Variants in GALNT9 observed in about 807,000 individuals in gnomAD.
GALNT9 encodes the protein GalNAc transferase 9.
Under a neutral mutation model 63.1 loss-of-function variants are expected in GALNT9, and 47 were observed. That is an observed-to-expected ratio of 0.75 (90% CI 0.59 to 0.95). GALNT9 has a LOEUF of 0.95. Among genes scored for constraint, GALNT9 ranks in the 40% least tolerant of loss-of-function variants. GALNT9 has a pLI of 0.00. For missense variants in GALNT9, 829 were observed against 874.8 expected (o/e 0.95, Z 0.66); for synonymous variants, 396 against 365.7 (o/e 1.08, Z -0.94).
intron 1 of GALNT9, among the ~76,000 whole-genome samples, chr12:132,309,487 C>T (rs28671462): frequency 0.22 from 33,109 of 152,188 alleles, 3,762 homozygotes; most frequent in African/African-American, 0.26. Context: ...GTAAGGATTT[C>T]AAGATGAGGT....
chr12:132,287,059 G>GCCCCCC (rs57471643), intron 1 of GALNT9, among the ~76,000 whole-genome samples: 3 of 80,518 alleles, frequency 3.7e-5, no homozygotes, highest in African/African-American at 8.1e-5. Flanking sequence ...CTGAGTGAGC[G>GCCCCCC]CCCCCCCCCC....
chr12:132,302,820 G>A (rs971463701), intron 1 of GALNT9, among the ~76,000 whole-genome samples: 1 of 152,238 alleles, frequency 6.6e-6, no homozygotes, highest in Non-Finnish European at 1.5e-5. Context: ...GGGACGGGAC[G>A]GGGTGGGAGC....
In GALNT9 at chr12:132,329,576, C is replaced by G. The variant is rs1869209991; in HGVS notation, c.-373G>C. ...CCTGCCCGCCCCGCAGCCACCGCGC[C>G]GGTGCAGAGTGACGCGGCCTCACCT... On this transcript the variant is annotated 5_prime_UTR_variant, in exon 1 of 11. Coordinates refer to ENST00000328957, the MANE Select transcript of GALNT9 (RefSeq NM_001122636.2). Among the ~76,000 whole-genome samples the G allele has an allele frequency of 6.8e-6, 1 of 147,326 alleles. No homozygotes were observed. Among genetic ancestry groups the G allele is most frequent in the Non-Finnish European group, 1.5e-5 (1 of 66,078 alleles).
At position 132,207,224 on chromosome 12, in the gene GALNT9, C is replaced by T. The variant is rs1029634913; in HGVS notation, c.1078-3534G>A. 5.3e-5 allele frequency among the ~76,000 whole-genome samples: 8 copies of T among 152,200 alleles called. No homozygotes were observed. The East Asian group carries it at 9.6e-4, about 18-fold the overall frequency. ...TATGGCGCCGCCTGCTATCCGTCCC[C>T]GTCTCTGCCTGTCCCTCCCCATGGC... is the stretch of plus-strand genomic sequence containing the variant. On this transcript the variant is annotated intron_variant, in intron 6 of 10. Transcript: ENST00000328957.
At chr12:132,326,651 G>A (rs782488359) in intron 1 of GALNT9, among the ~76,000 whole-genome samples, 1 of 152,318 alleles carries the variant, frequency 6.6e-6, no homozygotes, top group South Asian at 2.1e-4. Flanking sequence ...ATCAAGGCAG[G>A]GAAAAGGGAT....
At chr12:132,210,887 G>A (rs1876930436) in intron 6 of GALNT9, among the ~76,000 whole-genome samples, 1 of 151,578 alleles carries the variant, frequency 6.6e-6, no homozygotes, top group South Asian at 2.1e-4. Flanking sequence ...CCGTCTGGGT[G>A]GTCGCTGTCT....
chr12:132,267,999 A>T lies in GALNT9; in HGVS notation c.420-5374T>A, dbSNP rs565948779. Among the ~76,000 whole-genome samples, 592 of 151,426 alleles carry T rather than the reference A, an allele frequency of 3.9e-3. 5 individuals are homozygous for T. Among genetic ancestry groups the T allele is most frequent in the African/African-American group, 0.014 (562 of 41,164 alleles). On this transcript the variant is annotated intron_variant, in intron 2 of 10. Transcript: ENST00000328957. Reference sequence around the variant, plus strand: ...CCCACATGAACTCACACACATGCACACACACAGGCAGATACACACGAACAC... The same window carrying T: ...CCCACATGAACTCACACACATGCACTCACACAGGCAGATACACACGAACAC...
At chr12:132,201,064 G>A (rs753566666) in intron 8 of GALNT9, 60 bp downstream of exon 8, 3 of 1,512,792 alleles carry the variant, frequency 2.0e-6, no homozygotes, top group African/African-American at 1.4e-5. Flanking sequence ...ATGCATACGT[G>A]TGCAGGAGTC....
At chr12:132,203,975 A>G (rs867535872) in intron 6 of GALNT9, among the ~76,000 whole-genome samples, 18 of 152,034 alleles carry the variant, frequency 1.2e-4, no homozygotes, top group South Asian at 4.2e-4. Context: ...CGACCCCAAC[A>G]CTTAACAGGT....
At chr12:132,297,306 A>G (rs1446499375) in intron 1 of GALNT9, among the ~76,000 whole-genome samples, 1 of 151,068 alleles carries the variant, frequency 6.6e-6, no homozygotes, top group East Asian at 2.0e-4. Flanking sequence ...ACTCACTCCC[A>G]TGATAATGAA....
intron 1 of GALNT9, among the ~76,000 whole-genome samples, chr12:132,289,950 G>A (rs139730778): frequency 1.6e-4 from 24 of 152,330 alleles, no homozygotes; most frequent in African/African-American, 5.3e-4. Context: ...GTGCACTGGG[G>A]GTGAAGGAAC....
rs782032314 is a variant in GALNT9, at chr12:132,257,876, C to T, written c.772G>A (p.Ala258Thr). 170 of 1,539,904 alleles carry T rather than the reference C, an allele frequency of 1.1e-4. No individual in the cohort carries two copies. Among genetic ancestry groups the T allele is most frequent in the Non-Finnish European group, 1.2e-4 (139 of 1,141,392 alleles). ...CGGTCCTCTCGGATCCGCGACAGTGCGGGCTCGGCCCTGCGGAGGCACAGC... is the reference window on the plus strand; with the variant it reads ...CGGTCCTCTCGGATCCGCGACAGTGTGGGCTCGGCCCTGCGGAGGCACAGC... ...VEFNTGWAEP[A>T]LSRIREDRRR... The change falls in exon 5 of 11, where the codon GCA becomes ACA. Residue 258 changes from alanine (A) to threonine (T), a missense_variant. Physicochemically the swap from Ala to Thr is moderately conservative, Grantham distance 58. Transcript: ENST00000328957.
rs960259094 is a variant in GALNT9 at position 132,286,050 on chromosome 12, A to G, written c.419+200T>C. Among the ~76,000 whole-genome samples, 10 of 151,574 alleles carry G rather than the reference A, an allele frequency of 6.6e-5. No homozygotes were observed. The highest frequency in any genetic ancestry group is 2.4e-4 in the African/African-American group (10 of 41,256). ...CTCGTGGGGGCAGTCCCCGGCCAGC[A>G]CGGGGGAGCGCTCACTTTCCCGGCC... On this transcript the variant is annotated intron_variant, in intron 2 of 10. Coordinates refer to ENST00000328957, the MANE Select transcript of GALNT9 (RefSeq NM_001122636.2). This position sits in a 1 kb window ranked among gnomAD's most constrained non-coding sequence, Gnocchi z 7.4.
rs950888082 is a variant in GALNT9 at position 132,196,772 on chromosome 12, A to T, written c.*335T>A. On this transcript the variant is annotated 3_prime_UTR_variant, in exon 11 of 11. Transcript: ENST00000328957. ...GCATGGTCCGGGGCTTGGCCTCCCT[A>T]TGGGGCGTGGGGGGCTGTGGTACAT... 1.9e-6 allele frequency: 2 copies of T among 1,079,234 alleles called. No individual in the cohort carries two copies. Among genetic ancestry groups the T allele is most frequent in the African/African-American group, 3.3e-5 (2 of 59,836 alleles). 66.9% of individuals were successfully genotyped at this position (1,079,234 alleles called of 1,614,324 possible).
At chr12:132,250,434 TTA>T (rs1555238439) in intron 5 of GALNT9, among the ~76,000 whole-genome samples, 1 of 152,196 alleles carries the variant, frequency 6.6e-6, no homozygotes, top group African/African-American at 2.4e-5. Flanking sequence ...TTGATTTGTG[TTA>T]TATGAGTTTC....
chr12:132,210,927 G>T (rs1173436784), intron 6 of GALNT9, among the ~76,000 whole-genome samples: 1 of 151,942 alleles, frequency 6.6e-6, no homozygotes. Flanking sequence ...TCGGCTGCCG[G>T]CCTGACTCAC....
At chr12:132,263,925 G>T (rs1879501027) in intron 2 of GALNT9, among the ~76,000 whole-genome samples, 1 of 152,174 alleles carries the variant, frequency 6.6e-6, no homozygotes, top group Non-Finnish European at 1.5e-5. Flanking sequence ...CTCGGGCCTG[G>T]CTGCGGGGCC....
At position 132,245,801 on chromosome 12, in the gene GALNT9, T is replaced by A. The variant is rs2135533449; in HGVS notation, c.1077+2109A>T. Among the ~76,000 whole-genome samples, 1 of 152,336 alleles carries A rather than the reference T, an allele frequency of 6.6e-6. No homozygotes were observed. The highest frequency in any genetic ancestry group is 2.1e-4 in the South Asian group (1 of 4,830). ...GTTTGGCCCACGGGAGCCGATTTTG[T>A]TTGGAGGGGAGGTGGGCGTGTTTCT... On this transcript the variant is annotated intron_variant, in intron 6 of 10. Transcript: ENST00000328957. The surrounding 1 kb of genome is among the most constrained non-coding windows in gnomAD (Gnocchi z 6.3).
chr12:132,301,502 T>C (rs1881294567), intron 1 of GALNT9, among the ~76,000 whole-genome samples: 1 of 152,260 alleles, frequency 6.6e-6, no homozygotes, highest in African/African-American at 2.4e-5. Context: ...AGGGTCCCTG[T>C]CCATGGGGCT....
Sources: gnomAD v4.1 joint callset for allele counts (sites outside exome capture counted in the v4.1 genomes callset) on GRCh38, gnomAD v4.1.1 for gene constraint, Gnocchi (gnomAD v3.1) non-coding constraint, MANE v1.5 for transcripts, NCBI Gene and HGNC (gene_info 2026-07-23, HGNC 2026-07-21) for gene names.